Variants in CDK5RAP2 observed in about 807,000 individuals in gnomAD.
The protein encoded by CDK5RAP2 is CDK5 regulatory subunit-associated protein 2.
Under a neutral mutation model 232.9 loss-of-function variants are expected in CDK5RAP2, and 147 were observed. The observed-to-expected ratio is 0.63, with a 90% CI of 0.55 to 0.72. The LOEUF (loss-of-function observed/expected upper bound fraction) is 0.72, where lower values mean the gene tolerates loss of function less well. Among genes scored for constraint, CDK5RAP2 ranks in the 30% least tolerant of loss-of-function variants. The probability of loss-of-function intolerance (pLI) is 0.00; values close to 1 mark genes in which losing one functional copy is unlikely to be tolerated. For missense variants in CDK5RAP2, 2,195 were observed against 2,231.5 expected (o/e 0.98, Z 0.33); for synonymous variants, 833 against 833.7 (o/e 1.00, Z 0.01).
intron 25 of CDK5RAP2, among the ~76,000 whole-genome samples, chr9:120,433,415 C>G (rs1032164516): frequency 2.6e-5 from 4 of 152,148 alleles, no homozygotes; most frequent in African/African-American, 9.7e-5. Flanking sequence ...GGCTTCACAT[C>G]CATAATTTAA....
At chr9:120,519,232 G>A (rs1462591040) in intron 11 of CDK5RAP2, among the ~76,000 whole-genome samples, 1 of 151,860 alleles carries the variant, frequency 6.6e-6, no homozygotes. Flanking sequence ...CACAGTAACT[G>A]TCTTTAGTTG....
rs2033242682 is a variant in CDK5RAP2, at chr9:120,403,807, A to C, written c.5041+229T>G. On this transcript the variant is annotated intron_variant, in intron 33 of 37. Transcript: ENST00000349780. The surrounding 1 kb of genome is among the most constrained non-coding windows in gnomAD (Gnocchi z 4.2). ...GCCTCACAAAGGTGGTCACAATTTT[A>C]ATCTAAGGCAAGAGGGACCCAATGA... is the stretch of plus-strand genomic sequence containing the variant. The C allele has an allele frequency of 3.5e-6, 2 of 568,880 alleles. No individual in the cohort carries two copies. Among genetic ancestry groups the C allele is most frequent in the South Asian group, 4.0e-5 (2 of 50,418 alleles). The allele number at this position is 568,880 out of a possible 1,614,324, so 35.2% of individuals were successfully genotyped here.
At chr9:120,473,621 G>A (rs1232585396) in intron 15 of CDK5RAP2, among the ~76,000 whole-genome samples, 5 of 152,182 alleles carry the variant, frequency 3.3e-5, no homozygotes, top group African/African-American at 1.2e-4. Context: ...TTCACGCAAG[G>A]GAAAGGGCCC....
chr9:120,571,942 A>C, intron 2 of CDK5RAP2, 32 bp downstream of exon 2: 1 of 1,557,978 alleles, frequency 6.4e-7, no homozygotes, highest in Non-Finnish European at 8.9e-7. Context: ...CTTGTTCTTT[A>C]CTCAAGAGAA....
At chr9:120,436,162 T>G (rs576791336) in intron 25 of CDK5RAP2, among the ~76,000 whole-genome samples, 22 of 152,336 alleles carry the variant, frequency 1.4e-4, no homozygotes, top group African/African-American at 5.3e-4. Flanking sequence ...TGTGCCTCCT[T>G]AAGAAAACAC....
Position 120,524,992 on chromosome 9 carries a change from T to A in CDK5RAP2, c.1086A>T (p.Glu362Asp). Residue 362 changes from glutamate to aspartate, a missense_variant, in exon 11 of 38, where the codon GAA becomes GAT. Physicochemically the swap from Glu to Asp is conservative, Grantham distance 45 (BLOSUM62 2). Transcript: ENST00000349780. ...REALQKAQTQ[E>D]FQGSEDYETA... ...AAGCCAAGTGTACACTTACCTGAAA[T>A]TCCTGGGTCTGTGCTTTCTGTAGGG... is the stretch of plus-strand genomic sequence containing the variant. 1 of 1,613,264 alleles carries A rather than the reference T, an allele frequency of 6.2e-7. No homozygotes were observed. The highest frequency in any genetic ancestry group is 2.2e-5 in the East Asian group (1 of 44,872).
Position 120,389,737 on chromosome 9 carries a change from A to G in CDK5RAP2, c.5625+4T>C, listed in dbSNP as rs767590400. 1.9e-6 allele frequency: 3 copies of G among 1,614,048 alleles called. No homozygotes were observed. The highest frequency in any genetic ancestry group is 2.2e-5 in the South Asian group (2 of 91,082). ...CCTGCAGTGAAAAGACTCAAAGGGC[A>G]TACCTCCAGGTTTCCTCTGGCCTTC... On this transcript the variant is annotated splice_donor_region_variant and intron_variant, in intron 37 of 37. Transcript: ENST00000349780.
chr9:120,576,617 G>A (rs776212914), intron 1 of CDK5RAP2, among the ~76,000 whole-genome samples: 7 of 152,054 alleles, frequency 4.6e-5, no homozygotes, highest in Non-Finnish European at 1.0e-4. Flanking sequence ...CACCAGAACC[G>A]CTTGAACCCA....
At chr9:120,507,942 AATATATATATATATAT>A (rs1157642617) in intron 12 of CDK5RAP2, among the ~76,000 whole-genome samples, 1 of 32,550 alleles carries the variant, frequency 3.1e-5, no homozygotes, top group Non-Finnish European at 5.6e-5. Context: ...AAAAAAAAAA[AATATATATATATATAT>A]ATATATATAT....
rs2036915664 is a variant in CDK5RAP2 at position 120,458,600 on chromosome 9, C to T, written c.2225G>A (p.Gly742Glu). ...SNEIMKDLSK[G>E]GCKNGYLRHT... ...CCTTAAGTATCCATTTTTGCAGCCT[C>T]CTTTGGAAAGGTCTTTCATAATCTG... The change falls in exon 20 of 38, where the codon GGA (glycine) becomes GAA (glutamate). Residue 742 changes from glycine to glutamate, a missense_variant. Coordinates refer to ENST00000349780, the MANE Select transcript of CDK5RAP2 (RefSeq NM_018249.6). 6.2e-7 allele frequency: 1 copy of T among 1,614,066 alleles called. No individual in the cohort carries two copies. Among genetic ancestry groups the T allele is most frequent in the South Asian group, 1.1e-5 (1 of 91,084 alleles).
intron 14 of CDK5RAP2, among the ~76,000 whole-genome samples, chr9:120,485,700 G>A (rs987476127): frequency 6.6e-6 from 1 of 152,308 alleles, no homozygotes; most frequent in East Asian, 1.9e-4. Flanking sequence ...GTGTGAAAAA[G>A]ACTATGCCTT....
chr9:120,542,428 C>A (rs1047777233), intron 5 of CDK5RAP2, among the ~76,000 whole-genome samples: 2 of 151,754 alleles, frequency 1.3e-5, no homozygotes, highest in East Asian at 3.9e-4. Flanking sequence ...TCACTTGAAC[C>A]CGGGTTGTAC....
chr9:120,530,171 C>T, intron 7 of CDK5RAP2, 31 bp from the exon 8 acceptor site: 1 of 1,571,582 alleles, frequency 6.4e-7, no homozygotes, highest in African/African-American at 1.3e-5. Context: ...AATATTAATT[C>T]TAAGCTGTTC....
rs747687931 is a variant in CDK5RAP2 at position 120,437,364 on chromosome 9, C to T, written c.3886G>A (p.Glu1296Lys). Residue 1296 changes from glutamate to lysine, a missense_variant, in exon 25 of 38, where the codon GAG becomes AAG. Coordinates refer to ENST00000349780, the MANE Select transcript of CDK5RAP2 (RefSeq NM_018249.6). Reference protein sequence around the residue: ...QASDVDYCVAEGFQEQLNQCA... With the variant: ...QASDVDYCVAKGFQEQLNQCA... Reference sequence around the variant, plus strand: ...TGATTCAGCTGTTCCTGGAAACCCTCGGCCACACAGTAATCCACATCACTG... The same window carrying T: ...TGATTCAGCTGTTCCTGGAAACCCTTGGCCACACAGTAATCCACATCACTG... The T allele has an allele frequency of 7.4e-6, 12 of 1,614,010 alleles. No homozygotes were observed. The highest frequency in any genetic ancestry group is 5.5e-5 in the South Asian group (5 of 91,088).
chr9:120,390,199 C>A (rs1008531325), intron 36 of CDK5RAP2: 6 of 191,926 alleles, frequency 3.1e-5, no homozygotes, highest in Non-Finnish European at 5.6e-5. Context: ...TTCCTAGGCC[C>A]TCTGGGAAGC....
At position 120,407,258 on chromosome 9, in the gene CDK5RAP2, T is replaced by C. The variant is rs1314978944; in HGVS notation, c.4727-10A>G. 1.9e-6 allele frequency: 3 copies of C among 1,601,798 alleles called. No individual in the cohort carries two copies. Among genetic ancestry groups the C allele is most frequent in the African/African-American group, 2.7e-5 (2 of 74,782 alleles). On this transcript the variant is annotated splice_polypyrimidine_tract_variant and intron_variant, in intron 31 of 37. Coordinates refer to ENST00000349780, the MANE Select transcript of CDK5RAP2 (RefSeq NM_018249.6). ...CCTTCTCCCGACGCCTCTGAGGACA[T>C]GTGCAAAGAGAAGCCCTGACATCTT...
intron 34 of CDK5RAP2, 65 bp from the exon 35 acceptor site, chr9:120,400,950 A>C (rs2032956489): frequency 6.3e-7 from 1 of 1,576,548 alleles, no homozygotes; most frequent in Admixed American, 1.7e-5. Flanking sequence ...AGCAAGCCTT[A>C]ACATGCAGTA....
chr9:120,545,722 G>A lies in CDK5RAP2; in HGVS notation c.375C>T (p.Ile125=). Residue 125 remains isoleucine (I), a synonymous_variant, in exon 5 of 38, where the codon ATC becomes ATT. Coordinates refer to ENST00000349780, the MANE Select transcript of CDK5RAP2 (RefSeq NM_018249.6). The part of the protein sequence containing the change: ...RELQEREQLL[I]KASKAVESLA... The stretch of plus-strand genomic sequence containing the variant: ...CGGATGATGGTACTCACGAGGCTTT[G>A]ATGAGCAGCTGCTCTCTCTCCTGGA... 6.2e-7 allele frequency: 1 copy of A among 1,613,410 alleles called. No individual in the cohort carries two copies. Among genetic ancestry groups the A allele is most frequent in the East Asian group, 2.2e-5 (1 of 44,880 alleles).
chr9:120,569,904 A>C (rs970983933), intron 2 of CDK5RAP2, among the ~76,000 whole-genome samples: 9 of 152,084 alleles, frequency 5.9e-5, no homozygotes, highest in African/African-American at 1.9e-4. Flanking sequence ...GGTGGGTGAG[A>C]ACTAGTCTGA....
Sources: gnomAD v4.1 joint callset for allele counts (sites outside exome capture counted in the v4.1 genomes callset) on GRCh38, gnomAD v4.1.1 for gene constraint, Gnocchi (gnomAD v3.1) non-coding constraint, MANE v1.5 for transcripts, NCBI Gene and HGNC (gene_info 2026-07-23, HGNC 2026-07-21) for gene names.